MELK: variants seen among roughly 807,000 people sequenced by gnomAD.
MELK encodes maternal embryonic leucine zipper kinase, also known as pEg3 kinase.
MELK carries 81 observed loss-of-function variants against 85.0 expected under a neutral mutation model. The observed-to-expected ratio is 0.95, with a 90% CI of 0.80 to 1.15. The LOEUF is 1.15. MELK is among the 50% of genes most tolerant of loss of function. The probability of loss-of-function intolerance (pLI) is 0.00; values close to 1 mark genes in which losing one functional copy is unlikely to be tolerated. For missense variants in MELK, 754 were observed against 777.5 expected, an observed-to-expected ratio of 0.97 and a Z score of 0.36; for synonymous variants, 252 against 265.0, an observed-to-expected ratio of 0.95 and a Z score of 0.48.
chr9:36,666,330 A>G (rs1832332772), intron 14 of MELK, among the ~76,000 whole-genome samples: 1 of 152,208 alleles, frequency 6.6e-6, no homozygotes. Context: ...GGTAAGTGTC[A>G]TGACAGTAGA....
rs561025813 is a variant in MELK at position 36,635,695 on chromosome 9, C to T, written c.834+2495C>T. ...GCATCTGCAGACCGTGCTTTGAGAA[C>T]TGGTCTAATATGCGTATATGTAAAA... On this transcript the variant is annotated intron_variant, in intron 10 of 17. Transcript: ENST00000298048. 5.9e-5 allele frequency among the ~76,000 whole-genome samples: 9 copies of T among 152,044 alleles called. No homozygotes were observed. The South Asian group carries it at 1.9e-3, about 31-fold the overall frequency.
chr9:36,653,736 G>A (rs1408550594), intron 12 of MELK, among the ~76,000 whole-genome samples: 1 of 152,074 alleles, frequency 6.6e-6, no homozygotes, highest in Non-Finnish European at 1.5e-5. Context: ...ACAATTGACT[G>A]TGTGGATGAA....
chr9:36,627,987 C>T (rs899385222), intron 8 of MELK, among the ~76,000 whole-genome samples: 6 of 151,846 alleles, frequency 4.0e-5, no homozygotes, highest in African/African-American at 1.5e-4. Flanking sequence ...CTGCAACCTC[C>T]ACCTCCCGGG....
intron 4 of MELK, among the ~76,000 whole-genome samples, chr9:36,591,262 T>C (rs1284489051): frequency 6.6e-6 from 1 of 151,198 alleles, no homozygotes; most frequent in African/African-American, 2.5e-5. Flanking sequence ...TATTTTTAGG[T>C]GATCCCTTTG....
In MELK at chr9:36,610,880, A is replaced by G. The variant is rs537768841; in HGVS notation, c.666+3207A>G. On this transcript the variant is annotated intron_variant, in intron 8 of 17. Transcript: ENST00000298048. ...CCTCTTTTTGCTACTTTTTTCTGTA[A>G]AGTAGGGCTGTGTTTTTTATTCTGA... Among the ~76,000 whole-genome samples the G allele has an allele frequency of 4.6e-5, 7 of 152,240 alleles. No homozygotes were observed. The South Asian group carries it at 1.5e-3, about 32-fold the overall frequency.
At chr9:36,610,633 G>T (rs1042665744) in intron 8 of MELK, among the ~76,000 whole-genome samples, 1 of 152,194 alleles carries the variant, frequency 6.6e-6, no homozygotes, top group Non-Finnish European at 1.5e-5. Flanking sequence ...GAACTTTGCT[G>T]GGTAGCACTC....
At chr9:36,600,125 ACT>A (rs1298525223) in intron 7 of MELK, among the ~76,000 whole-genome samples, 2 of 149,938 alleles carry the variant, frequency 1.3e-5, no homozygotes, top group Admixed American at 6.7e-5. Flanking sequence ...ACGGAGTCTC[ACT>A]CTGTCACCCA....
At chr9:36,610,678 A>G (rs2135926916) in intron 8 of MELK, among the ~76,000 whole-genome samples, 1 of 152,350 alleles carries the variant, frequency 6.6e-6, no homozygotes, top group African/African-American at 2.4e-5. Context: ...CTGTGGCAGC[A>G]GTTCCTGACT....
At chr9:36,588,560 G>A (rs1321816287) in intron 3 of MELK, among the ~76,000 whole-genome samples, 1 of 151,704 alleles carries the variant, frequency 6.6e-6, no homozygotes, top group East Asian at 1.9e-4. Flanking sequence ...TATATTTTTA[G>A]TAGAGATGGG....
Position 36,665,549 on chromosome 9 carries a change from C to G in MELK, c.1376C>G (p.Thr459Ser), listed in dbSNP as rs778490625. 1 of 1,613,594 alleles carries G rather than the reference C, an allele frequency of 6.2e-7. No individual in the cohort carries two copies. Among genetic ancestry groups the G allele is most frequent in the Non-Finnish European group, 8.5e-7 (1 of 1,179,712 alleles). The change falls in exon 14 of 18, where the codon ACT (threonine) becomes AGT (serine). Residue 459 changes from threonine (T) to serine (S), a missense_variant. Transcript: ENST00000298048. ...AACCAGCATAAGAGAGAAATACTCA[C>G]TACGCCAAATCGTTACACTACACCC... is the stretch of plus-strand genomic sequence containing the variant. ...NKNQHKREIL[T>S]TPNRYTTPSK...
At chr9:36,651,991 G>T in intron 12 of MELK, 114 bp downstream of exon 12, 12 of 925,782 alleles carry the variant, frequency 1.3e-5, no homozygotes, top group Middle Eastern at 3.7e-4. Flanking sequence ...GATGTTTTAT[G>T]ATTTCAATAT....
chr9:36,617,441 T>C (rs972942374), intron 8 of MELK, among the ~76,000 whole-genome samples: 26 of 152,058 alleles, frequency 1.7e-4, no homozygotes, highest in Non-Finnish European at 3.2e-4. Context: ...CAAGTGATCC[T>C]CCAGCCTCAG....
chr9:36,675,120 T>C (rs1212795718), intron 17 of MELK, among the ~76,000 whole-genome samples, 183 bp downstream of exon 17: 2 of 152,180 alleles, frequency 1.3e-5, no homozygotes, highest in East Asian at 3.9e-4. Flanking sequence ...GCCCTGTCTC[T>C]ACTGAAAATA....
rs189958213 is a variant in MELK, at chr9:36,597,735, C to T, written c.474+445C>T. ...TACATTTTGAGAAACAATCCGCTTT[C>T]CTTTTAAAAGAAGGAAAAAGCCCAT... On this transcript the variant is annotated intron_variant, in intron 6 of 17. Coordinates refer to ENST00000298048, the MANE Select transcript of MELK (RefSeq NM_014791.4). Among the ~76,000 whole-genome samples, 7 of 152,308 alleles carry T rather than the reference C, an allele frequency of 4.6e-5. No individual in the cohort carries two copies. The East Asian group carries it at 9.6e-4, about 21-fold the overall frequency.
intron 5 of MELK, among the ~76,000 whole-genome samples, chr9:36,596,595 T>TG (rs1388662473): frequency 2.3e-5 from 3 of 127,888 alleles, no homozygotes; most frequent in African/African-American, 1.1e-4. Context: ...TTTTTGTTTT[T>TG]TTTTTTTTGA....
At chr9:36,598,892 C>G (rs568164788) in intron 6 of MELK, among the ~76,000 whole-genome samples, 1 of 152,260 alleles carries the variant, frequency 6.6e-6, no homozygotes, top group East Asian at 1.9e-4. Context: ...TCCAGAGAAG[C>G]AGAGACCACA....
chr9:36,574,080 G>A (rs1371187339), intron 1 of MELK, among the ~76,000 whole-genome samples: 1 of 152,134 alleles, frequency 6.6e-6, no homozygotes, highest in Non-Finnish European at 1.5e-5. Flanking sequence ...GTTTCCCATG[G>A]AGTCTGGCTA....
intron 13 of MELK, among the ~76,000 whole-genome samples, chr9:36,664,105 T>G (rs1832111608): frequency 6.6e-6 from 1 of 152,202 alleles, no homozygotes. Context: ...TTTATTCTGT[T>G]ATTTGACATG....
intron 8 of MELK, among the ~76,000 whole-genome samples, chr9:36,621,128 C>T (rs893692133): frequency 8.0e-5 from 12 of 150,932 alleles, no homozygotes; most frequent in Admixed American, 2.0e-4. Context: ...AAAATTTAGC[C>T]GGGCATAGTG....
Sources: gnomAD v4.1 joint callset for allele counts (sites outside exome capture counted in the v4.1 genomes callset) on GRCh38, gnomAD v4.1.1 for gene constraint, MANE v1.5 for transcripts, NCBI Gene and HGNC (gene_info 2026-07-23, HGNC 2026-07-21) for gene names.